Variants in AVEN observed in about 807,000 individuals in gnomAD.
AVEN encodes the protein cell death regulator Aven.
Under a neutral mutation model 38.1 loss-of-function variants are expected in AVEN, and 41 were observed. That is an observed-to-expected ratio of 1.08 (90% CI 0.84 to 1.40). AVEN has a LOEUF of 1.40. AVEN is among the 40% of genes most tolerant of loss of function. AVEN has a pLI of 0.00. For synonymous variants in AVEN, 206 were observed against 171.8 expected (o/e 1.20, Z -1.56); for missense variants, 605 against 438.8 (o/e 1.38, Z -3.38).
intron 1 of AVEN, among the ~76,000 whole-genome samples, chr15:34,025,444 G>C (rs1387758951): frequency 6.6e-6 from 1 of 152,132 alleles, no homozygotes; most frequent in Non-Finnish European, 1.5e-5. Context: ...GACTAGAGTG[G>C]TTAGGATGCC....
At chr15:33,862,328 C>G (rs1215372473), downstream of AVEN, among the ~76,000 whole-genome samples, 1 of 152,032 alleles carries the variant, frequency 6.6e-6, no homozygotes, top group Non-Finnish European at 1.5e-5. Flanking sequence ...TCCGCCTCAG[C>G]CTCCTGAGTA....
rs146607662 is a variant in AVEN, at chr15:33,873,768, G to T, written c.516+2157C>A. 5.9e-5 allele frequency among the ~76,000 whole-genome samples: 9 copies of T among 152,040 alleles called. No homozygotes were observed. In the East Asian group the frequency reaches 1.7e-3, roughly 29 times the overall value. On this transcript the variant is annotated intron_variant, in intron 3 of 5. Coordinates refer to ENST00000306730, the MANE Select transcript of AVEN (RefSeq NM_020371.3). ...TCAAAATCAAACTTAACTTCTTTCT[G>T]CTCTTATTTTTTTCCATTCATGGCA... is the stretch of plus-strand genomic sequence containing the variant.
chr15:34,024,472 CAAAAAAAAAA>C (rs10531898), intron 1 of AVEN, among the ~76,000 whole-genome samples: 14 of 101,938 alleles, frequency 1.4e-4, no homozygotes, highest in African/African-American at 5.6e-4. Flanking sequence ...GACCCTGTCT[CAAAAAAAAAA>C]AAAAAAAAAA....
At chr15:33,935,532 A>G (rs1894026977) in intron 2 of AVEN, among the ~76,000 whole-genome samples, 3 of 152,102 alleles carry the variant, frequency 2.0e-5, no homozygotes, top group African/African-American at 4.8e-5. Flanking sequence ...ATGTGTATAT[A>G]TATGTGTGTG....
chr15:34,072,973 A>G (rs1225480855), intron 1 of AVEN, among the ~76,000 whole-genome samples: 1 of 150,872 alleles, frequency 6.6e-6, no homozygotes, highest in East Asian at 2.0e-4. Flanking sequence ...ATACCCAGAA[A>G]TAATCTCTGC....
chr15:33,860,372 A>T (rs547422002), intron 11 of AVEN, among the ~76,000 whole-genome samples: 9 of 152,348 alleles, frequency 5.9e-5, no homozygotes, highest in Non-Finnish European at 1.2e-4. Flanking sequence ...AGGGAGGAGC[A>T]AGTAGTTAAC....
chr15:33,865,738 A>AC (rs1890297833), downstream of AVEN: 1 of 153,630 alleles, frequency 6.5e-6, no homozygotes, highest in African/African-American at 2.4e-5. Context: ...ACAGAAAAAA[A>AC]CCGACACTTT....
Position 34,038,914 on chromosome 15 carries a change from C to T in AVEN, c.133G>A (p.Gly45Arg), listed in dbSNP as rs1899315530. 5 of 721,474 alleles carry T rather than the reference C, an allele frequency of 6.9e-6. No individual in the cohort carries two copies. The South Asian group carries it at 2.1e-4, about 30-fold the overall frequency. The allele number at this position is 721,474 out of a possible 1,614,324, so 44.7% of individuals were successfully genotyped here. A position where few individuals can be genotyped will look rare whatever the true frequency, so the allele number is the denominator to read the frequency against. ...VARGGGGGGG[G>R]DGGGRRGRGR... ...CGGCCCCGGCGTCCGCCTCCGTCCC[C>T]GCCGCCGCCTCCGCCGCCGCCTCTG... is the stretch of plus-strand genomic sequence containing the variant. The change falls in exon 1 of 6, where the codon GGG (glycine) becomes AGG (arginine). Residue 45 changes from glycine to arginine, a missense_variant. Transcript: ENST00000306730.
At chr15:33,987,447 G>C (rs909837720) in intron 2 of AVEN, among the ~76,000 whole-genome samples, 2 of 152,138 alleles carry the variant, frequency 1.3e-5, no homozygotes, top group Admixed American at 1.3e-4. Context: ...ACAGTGTTAG[G>C]ATGGAATAAA....
intron 4 of AVEN, 115 bp downstream of exon 4, chr15:33,870,820 C>A (rs575921976): frequency 3.0e-6 from 2 of 660,034 alleles, no homozygotes; most frequent in East Asian, 6.3e-5. Context: ...TGATATGAAA[C>A]CCTCACTTTT....
chr15:33,863,351 T>C (rs1889206815), downstream of AVEN, among the ~76,000 whole-genome samples: 1 of 152,192 alleles, frequency 6.6e-6, no homozygotes, highest in Non-Finnish European at 1.5e-5. Context: ...GAGCTGCTAC[T>C]GTGGGCCAGG....
At chr15:34,074,574 G>C (rs916934035) in exon 1 of AVEN, among the ~76,000 whole-genome samples, 1 of 152,074 alleles carries the variant, frequency 6.6e-6, no homozygotes, top group Non-Finnish European at 1.5e-5. Flanking sequence ...GCTGTTAAAT[G>C]TCCATCTTCT....
At chr15:33,870,783 T>G in intron 4 of AVEN, 152 bp downstream of exon 4, 1 of 472,958 alleles carries the variant, frequency 2.1e-6, no homozygotes, top group Non-Finnish European at 3.6e-6. Context: ...TTTTGGATTC[T>G]CCTTTAAACT....
chr15:34,007,047 C>T, intron 1 of AVEN: 2 of 983,952 alleles, frequency 2.0e-6, no homozygotes, highest in Non-Finnish European at 2.4e-6. Flanking sequence ...TAGTTCATAC[C>T]TGGACATCGG....
rs975907602 is a variant in AVEN, at chr15:33,988,959, A to AT, written c.445+14072dup. Among the ~76,000 whole-genome samples the AT allele has an allele frequency of 9.9e-5, 15 of 151,696 alleles. 1 individual carries two copies. Among genetic ancestry groups the AT allele is most frequent in the South Asian group, 2.1e-4 (1 of 4,808 alleles). On this transcript the variant is annotated intron_variant, in intron 2 of 5. Coordinates refer to ENST00000306730, the MANE Select transcript of AVEN (RefSeq NM_020371.3). ...CTGTATTTTAGTTTAAGCACATTTG[A>AT]TTTTTTTTTCCTTTGTCTTTACAGC... is the stretch of plus-strand genomic sequence containing the variant.
intron 2 of AVEN, among the ~76,000 whole-genome samples, chr15:33,961,808 GTCTCAA>G (rs1895196760): frequency 1.7e-5 from 1 of 59,488 alleles, no homozygotes; most frequent in South Asian, 9.5e-4. Flanking sequence ...GTGAGACTCT[GTCTCAA>G]AAAAAAAAAA....
At chr15:34,010,151 T>TG (rs1442336529) in intron 1 of AVEN, among the ~76,000 whole-genome samples, 16 of 152,250 alleles carry the variant, frequency 1.1e-4, no homozygotes, top group Admixed American at 9.2e-4. Context: ...AGGAACCATA[T>TG]GCTTAACAGA....
chr15:33,921,133 T>A (rs1220046937), intron 2 of AVEN, among the ~76,000 whole-genome samples: 1 of 152,214 alleles, frequency 6.6e-6, no homozygotes, highest in Non-Finnish European at 1.5e-5. Flanking sequence ...TTTAACGCTT[T>A]TCCACAAAGC....
chr15:33,992,259 G>A (rs1053381814), intron 2 of AVEN, among the ~76,000 whole-genome samples: 4 of 152,098 alleles, frequency 2.6e-5, no homozygotes, highest in South Asian at 4.2e-4. Context: ...GCGTGGTGGC[G>A]GGCACCTGTA....
Sources: gnomAD v4.1 joint callset for allele counts (sites outside exome capture counted in the v4.1 genomes callset) on GRCh38, gnomAD v4.1.1 for gene constraint, MANE v1.5 for transcripts, NCBI Gene and HGNC (gene_info 2026-07-23, HGNC 2026-07-21) for gene names.